The following PHF14 variants were observed in gnomAD, a reference collection of about 807,000 sequenced individuals.
PHF14 encodes PHD finger protein 14.
Under a neutral mutation model 117.9 loss-of-function variants are expected in PHF14, and 55 were observed. The observed-to-expected ratio is 0.47, with a 90% CI of 0.38 to 0.58. The LOEUF (loss-of-function observed/expected upper bound fraction) is 0.58, where lower values mean the gene tolerates loss of function less well. Among genes scored for constraint, PHF14 ranks in the 20% least tolerant of loss-of-function variants. The probability of loss-of-function intolerance (pLI) is 0.00; values close to 1 mark genes in which losing one functional copy is unlikely to be tolerated. For missense variants in PHF14, 978 were observed against 1,122.2 expected (o/e 0.87, Z 1.84); for synonymous variants, 409 against 368.6 (o/e 1.11, Z -1.26).
chr7:11,103,762 G>A (rs1787169439), intron 16 of PHF14: 10 of 984,804 alleles, frequency 1.0e-5, no homozygotes, highest in Non-Finnish European at 1.2e-5. Context: ...GTAATCTAGT[G>A]ATCTCTAGTT....
intron 3 of PHF14, among the ~76,000 whole-genome samples, chr7:10,989,364 A>G (rs562223821): frequency 6.6e-6 from 1 of 151,928 alleles, no homozygotes; most frequent in Non-Finnish European, 1.5e-5. Context: ...ATAATAAAAC[A>G]TATTTATGAA....
At chr7:10,976,584 A>G (rs1781873439) in intron 2 of PHF14, among the ~76,000 whole-genome samples, 1 of 152,114 alleles carries the variant, frequency 6.6e-6, no homozygotes, top group African/African-American at 2.4e-5. Context: ...TTGTTCATTG[A>G]GATGGAATAT....
intron 4 of PHF14, among the ~76,000 whole-genome samples, chr7:10,999,834 T>C (rs1011290866): frequency 4.6e-5 from 7 of 152,244 alleles, no homozygotes; most frequent in African/African-American, 1.7e-4. Context: ...GGATGTTGTG[T>C]CTATATAAAG....
chr7:11,158,481 C>T (rs1233127688), intron 17 of PHF14, among the ~76,000 whole-genome samples: 1 of 152,104 alleles, frequency 6.6e-6, no homozygotes, highest in African/African-American at 2.4e-5. Flanking sequence ...CTTGGTCCAT[C>T]AGTCAAGGTA....
chr7:11,037,158 A>G (rs1784344204), intron 10 of PHF14, 67 bp downstream of exon 10: 3 of 1,362,686 alleles, frequency 2.2e-6, no homozygotes, highest in East Asian at 2.6e-5. Context: ...TTGTGAATGT[A>G]TGGCATTTCT....
intron 2 of PHF14, among the ~76,000 whole-genome samples, chr7:10,976,194 C>T (rs1781857774): frequency 6.6e-6 from 1 of 152,130 alleles, no homozygotes; most frequent in South Asian, 2.1e-4. Flanking sequence ...TATTTGGTTA[C>T]TAATTGAATT....
intron 17 of PHF14, among the ~76,000 whole-genome samples, chr7:11,160,689 CAT>C (rs1788996839): frequency 6.6e-6 from 1 of 152,072 alleles, no homozygotes; most frequent in South Asian, 2.1e-4. Context: ...AGCATTTTTT[CAT>C]ATGTTTGTTG....
At chr7:11,081,712 G>T (rs2020391) in intron 16 of PHF14, among the ~76,000 whole-genome samples, 4 of 151,710 alleles carry the variant, frequency 2.6e-5, no homozygotes, top group African/African-American at 7.3e-5. Flanking sequence ...AAAAATTAGC[G>T]GGGTGTGGTG....
intron 17 of PHF14, among the ~76,000 whole-genome samples, chr7:11,137,104 G>A (rs916403985): frequency 3.3e-5 from 5 of 152,162 alleles, no homozygotes; most frequent in Admixed American, 6.5e-5. Context: ...CCCTTCCCAA[G>A]AAAATTTTAT....
At chr7:11,144,576 T>C (rs982681687) in intron 17 of PHF14, among the ~76,000 whole-genome samples, 9 of 148,524 alleles carry the variant, frequency 6.1e-5, no homozygotes, top group Non-Finnish European at 1.2e-4. Context: ...TTATAATATA[T>C]AAAATATAAA....
At chr7:11,141,751 T>A (rs2128351207) in intron 17 of PHF14, among the ~76,000 whole-genome samples, 1 of 152,060 alleles carries the variant, frequency 6.6e-6, no homozygotes, top group South Asian at 2.1e-4. Context: ...TATTTTTGGG[T>A]TTCACTTTTT....
intron 6 of PHF14, among the ~76,000 whole-genome samples, chr7:11,028,191 A>G (rs1246707062): frequency 6.6e-6 from 1 of 152,164 alleles, no homozygotes; most frequent in Non-Finnish European, 1.5e-5. Context: ...ATCATCTGAC[A>G]CAAAACTTTA....
At chr7:11,020,335 C>T (rs560598638) in intron 5 of PHF14, among the ~76,000 whole-genome samples, 1 of 152,232 alleles carries the variant, frequency 6.6e-6, no homozygotes, top group South Asian at 2.1e-4. Context: ...AGCAGTCCTC[C>T]CACCTCAGCC....
intron 4 of PHF14, among the ~76,000 whole-genome samples, chr7:10,992,179 G>A (rs530865688): frequency 1.7e-3 from 260 of 151,044 alleles, no homozygotes; most frequent in Non-Finnish European, 3.2e-3. Context: ...TCAGCCTCCC[G>A]AGTAGCTGGG....
intron 4 of PHF14, chr7:11,006,638 C>G: frequency 1.6e-6 from 1 of 617,496 alleles, no homozygotes; most frequent in Non-Finnish European, 3.1e-6. Context: ...TCAGCAGAAA[C>G]TTGATGATGG....
intron 2 of PHF14, among the ~76,000 whole-genome samples, chr7:10,976,322 AGGGAAG>A (rs1449876008): frequency 7.2e-5 from 11 of 152,260 alleles, no homozygotes; most frequent in African/African-American, 2.6e-4. Flanking sequence ...TTTCCAAAGA[AGGGAAG>A]GGGAAGGGAA....
At chr7:11,092,900 G>T (rs987054775) in intron 16 of PHF14, among the ~76,000 whole-genome samples, 1 of 152,164 alleles carries the variant, frequency 6.6e-6, no homozygotes, top group Non-Finnish European at 1.5e-5. Flanking sequence ...ACCAGTTAAA[G>T]GGTGTTTTTT....
At chr7:10,981,084 G>C (rs1782030336) in intron 2 of PHF14, among the ~76,000 whole-genome samples, 1 of 152,038 alleles carries the variant, frequency 6.6e-6, no homozygotes, top group South Asian at 2.1e-4. Context: ...GGATGTTTTT[G>C]TTAGCAGTCA....
intron 4 of PHF14, among the ~76,000 whole-genome samples, chr7:11,002,617 A>G (rs1357225159): frequency 4.0e-5 from 6 of 151,318 alleles, no homozygotes; most frequent in Non-Finnish European, 5.9e-5. Context: ...AATTTTTTGT[A>G]TTTTTATTAG....
Sources: gnomAD v4.1 joint callset for allele counts (sites outside exome capture counted in the v4.1 genomes callset) on GRCh38, gnomAD v4.1.1 for gene constraint, MANE v1.5 for transcripts, NCBI Gene and HGNC (gene_info 2026-07-23, HGNC 2026-07-21) for gene names.